TAMM41: variants seen among roughly 807,000 people sequenced by gnomAD.
TAMM41 encodes the protein phosphatidate cytidylyltransferase, mitochondrial.
In TAMM41, 36 loss-of-function variants were observed where a neutral mutation model predicts 44.1. The observed-to-expected ratio is 0.82, with a 90% CI of 0.63 to 1.08. TAMM41 has a LOEUF of 1.08. Ranked by LOEUF, TAMM41 falls within the 50% of genes least tolerant of loss-of-function variation. The pLI is 0.00. For synonymous variants in TAMM41, 164 were observed against 153.1 expected, an observed-to-expected ratio of 1.07 and a Z score of -0.53; for missense variants, 417 against 404.3, an observed-to-expected ratio of 1.03 and a Z score of -0.27.
the TAMM41 span, among the ~76,000 whole-genome samples, chr3:11,734,071 T>G: frequency 1.3e-5 from 2 of 152,184 alleles, no homozygotes; most frequent in African/African-American, 4.8e-5. Flanking sequence ...ATGGCCTCAC[T>G]GAATGAAGAC....
chr3:11,766,801 C>A, the TAMM41 span, among the ~76,000 whole-genome samples: 1 of 151,390 alleles, frequency 6.6e-6, no homozygotes, highest in Non-Finnish European at 1.5e-5. Flanking sequence ...AACTCCTGGC[C>A]TGAGGGGACC....
At chr3:11,726,844 G>A in the TAMM41 span, among the ~76,000 whole-genome samples, 13 of 151,238 alleles carry the variant, frequency 8.6e-5, no homozygotes, top group South Asian at 4.2e-4. Flanking sequence ...AAGAATGAGT[G>A]AAGAGTGAAC....
rs80281053 is a variant in TAMM41, at chr3:11,843,823, C to T, written c.318+206G>A. ...AGGACTCCAGTCCCTGCTCTGTCCC[C>T]AAGTTCAAGACGTCTGGCAGGAGTG... On this transcript the variant is annotated intron_variant, in intron 2 of 7. Transcript: ENST00000455809. The T allele has an allele frequency of 1.4e-5, 8 of 567,292 alleles. No homozygotes were observed. The East Asian group carries it at 2.0e-4, about 14-fold the overall frequency. The allele number at this position is 567,292 out of a possible 1,614,324, so 35.1% of individuals were successfully genotyped here.
At chr3:11,733,008 G>GTT in the TAMM41 span, among the ~76,000 whole-genome samples, 14 of 123,660 alleles carry the variant, frequency 1.1e-4, no homozygotes, top group Admixed American at 2.5e-4. Context: ...TTGTTTGTTT[G>GTT]TTTGTTTTGA....
chr3:11,830,533 C>A (rs1189198630), intron 3 of TAMM41, among the ~76,000 whole-genome samples: 1 of 152,090 alleles, frequency 6.6e-6, no homozygotes, highest in Non-Finnish European at 1.5e-5. Flanking sequence ...TTTTTCTCCT[C>A]AATACAGAGT....
the TAMM41 span, among the ~76,000 whole-genome samples, chr3:11,730,337 T>G: frequency 6.6e-6 from 1 of 150,902 alleles, no homozygotes; most frequent in African/African-American, 2.4e-5. Flanking sequence ...AGAGAATAGC[T>G]TGAACCTGGG....
At chr3:11,732,999 TGTTTGTTTGTTTG>T in the TAMM41 span, among the ~76,000 whole-genome samples, 1 of 106,700 alleles carries the variant, frequency 9.4e-6, no homozygotes, top group African/African-American at 3.1e-5. Flanking sequence ...GTTTTTTTTT[TGTTTGTTTGTTTG>T]TTTTGAGATG....
At chr3:11,773,483 A>G in the TAMM41 span, among the ~76,000 whole-genome samples, 2 of 152,066 alleles carry the variant, frequency 1.3e-5, no homozygotes, top group African/African-American at 4.8e-5. Context: ...GGCTTCCAAA[A>G]GTGCTAGGAT....
the TAMM41 span, among the ~76,000 whole-genome samples, chr3:11,746,398 A>T: frequency 6.6e-6 from 1 of 152,166 alleles, no homozygotes; most frequent in South Asian, 2.1e-4. Flanking sequence ...ATGTTACTAG[A>T]AGACTTGTGC....
Position 11,790,569 on chromosome 3 carries a change from G to T in TAMM41, c.950C>A (p.Ser317Ter). The T allele has an allele frequency of 6.2e-7, 1 of 1,613,758 alleles. No individual in the cohort carries two copies. Among genetic ancestry groups the T allele is most frequent in the Non-Finnish European group, 8.5e-7 (1 of 1,179,802 alleles). Residue 317 changes from serine to a stop codon, truncating the protein, a stop_gained, in exon 8 of 8, where the codon TCA becomes TAA. Coordinates refer to ENST00000455809, the MANE Select transcript of TAMM41 (RefSeq NM_001284401.2). LOFTEE classifies it high-confidence loss of function. Reference sequence around the variant, plus strand: ...CAGTTTTAGTGAACTATAAATCACTGACTTCTTCAGGCCTAAAAGAGAAAA... The same window carrying T: ...CAGTTTTAGTGAACTATAAATCACTTACTTCTTCAGGCCTAAAAGAGAAAA... ...KGIFTAGLKK[S>*]VIYSSLKLHK...
At chr3:11,787,859 G>A (rs1425720927), downstream of TAMM41, among the ~76,000 whole-genome samples, 1 of 152,234 alleles carries the variant, frequency 6.6e-6, no homozygotes, top group African/African-American at 2.4e-5. Context: ...TCTGGAATGA[G>A]AAGAGCTACT....
the TAMM41 span, among the ~76,000 whole-genome samples, chr3:11,764,125 T>A: frequency 2.0e-5 from 3 of 152,020 alleles, no homozygotes; most frequent in Non-Finnish European, 2.9e-5. Context: ...CACCTCAGCC[T>A]CCCGAGTAGC....
chr3:11,729,539 ATTTTTTTTT>A, the TAMM41 span, among the ~76,000 whole-genome samples: 1 of 32,272 alleles, frequency 3.1e-5, no homozygotes, highest in Non-Finnish European at 6.8e-5. Context: ...TCTTTCTTTC[ATTTTTTTTT>A]TTTTTTTTTT....
chr3:11,724,072 T>C, the TAMM41 span, among the ~76,000 whole-genome samples: 2 of 151,610 alleles, frequency 1.3e-5, no homozygotes, highest in Non-Finnish European at 2.9e-5. Context: ...TTTTATTTTA[T>C]TTTATTTTAT....
the TAMM41 span, among the ~76,000 whole-genome samples, chr3:11,749,111 CTA>C: frequency 6.6e-6 from 1 of 151,884 alleles, no homozygotes; most frequent in Non-Finnish European, 1.5e-5. Context: ...TGGGGTTTTG[CTA>C]TGTTGGCCAG....
At position 11,845,041 on chromosome 3, in the gene TAMM41, A is replaced by C. The variant is rs1482852390; in HGVS notation, c.136-830T>G. 3 of 455,170 alleles carry C rather than the reference A, an allele frequency of 6.6e-6. No individual in the cohort carries two copies. In the East Asian group the frequency reaches 2.1e-4, roughly 32 times the overall value. The allele number at this position is 455,170 out of a possible 1,614,324, so 28.2% of individuals were successfully genotyped here. ...GAAGGGTAGGGAGCCGTGTTGGAGGAAAGTGCTCTGTGGATATGGGAGCCA... is the reference window on the plus strand; with the variant it reads ...GAAGGGTAGGGAGCCGTGTTGGAGGCAAGTGCTCTGTGGATATGGGAGCCA... On this transcript the variant is annotated intron_variant, in intron 1 of 7. Transcript: ENST00000455809.
chr3:11,823,571 TA>T (rs2078615882), intron 4 of TAMM41, among the ~76,000 whole-genome samples: 1 of 151,946 alleles, frequency 6.6e-6, no homozygotes, highest in South Asian at 2.1e-4. Context: ...CATTGTGTTT[TA>T]AAAATTCTTT....
the TAMM41 span, among the ~76,000 whole-genome samples, chr3:11,765,703 AT>A: frequency 0.5 from 71,162 of 142,040 alleles, 17,076 homozygotes; most frequent in South Asian, 0.62. Flanking sequence ...TGGAGTCAAA[AT>A]TTTTTTTTTT....
intron 6 of TAMM41, chr3:11,808,231 C>T: frequency 1.8e-6 from 2 of 1,106,382 alleles, no homozygotes; most frequent in Non-Finnish European, 2.2e-6. Context: ...GTTCTCAATT[C>T]CATAACATGA....
Sources: allele counts gnomAD v4.1 joint callset (sites outside exome capture counted in the v4.1 genomes callset), GRCh38; gene constraint gnomAD v4.1.1; transcripts MANE v1.5; gene names NCBI Gene and HGNC (gene_info 2026-07-23, HGNC 2026-07-21).